Variants in TMEM178B observed in about 807,000 individuals in gnomAD.
TMEM178B encodes the protein transmembrane protein 178B.
In TMEM178B, 5 loss-of-function variants were observed where a neutral mutation model predicts 31.0. The ratio of observed to expected loss-of-function variants is 0.16; its 90% CI spans 0.08 to 0.34. TMEM178B has a LOEUF of 0.34. Ranked by LOEUF, TMEM178B falls within the 10% of genes least tolerant of loss-of-function variation. The probability of loss-of-function intolerance (pLI) is 1.00; values close to 1 mark genes in which losing one functional copy is unlikely to be tolerated. For synonymous variants in TMEM178B, 164 were observed against 164.0 expected (o/e 1.00, Z 0.00); for missense variants, 275 against 400.3 (o/e 0.69, Z 2.67).
Position 141,374,596 on chromosome 7 carries a change from C to T in TMEM178B, c.497-63012C>T, listed in dbSNP as rs147311431. Among the ~76,000 whole-genome samples the T allele has an allele frequency of 1.1e-3, 161 of 152,306 alleles. 1 individual carries two copies. The highest frequency in any genetic ancestry group is 3.7e-3 in the African/African-American group (153 of 41,558). ...GCTTAAAAACCCCACGCGCATACAG[C>T]GTCAGAGTCTCTTCCATCTGCGAAA... On this transcript the variant is annotated intron_variant, in intron 2 of 3. Transcript: ENST00000565468.
rs137975523 is a variant in TMEM178B at position 141,329,301 on chromosome 7, C to G, written c.497-108307C>G. Among the ~76,000 whole-genome samples the G allele has an allele frequency of 4.7e-3, 708 of 152,036 alleles. 17 individuals carry two copies. Among genetic ancestry groups the G allele is most frequent in the Admixed American group, 0.037 (566 of 15,266 alleles). ...GGTGTGGATTTGTAAAAGTGTCTGT[C>G]TGGGCAGCGTCCTGGGCACCCTCCT... is the stretch of plus-strand genomic sequence containing the variant. On this transcript the variant is annotated intron_variant, in intron 2 of 3. Transcript: ENST00000565468.
chr7:141,416,885 T>C (rs1586946189), intron 2 of TMEM178B, among the ~76,000 whole-genome samples: 1 of 152,208 alleles, frequency 6.6e-6, no homozygotes, highest in African/African-American at 2.4e-5. Flanking sequence ...ACCGGCAAAA[T>C]TCAACAGTGA....
chr7:141,390,172 A>T (rs879869533), intron 2 of TMEM178B, among the ~76,000 whole-genome samples: 2 of 152,240 alleles, frequency 1.3e-5, no homozygotes, highest in Admixed American at 1.3e-4. Context: ...GAATGAGAGA[A>T]GCCAAGCCAA....
At chr7:141,373,649 A>AC (rs1193091529) in intron 2 of TMEM178B, among the ~76,000 whole-genome samples, 13 of 151,692 alleles carry the variant, frequency 8.6e-5, no homozygotes, top group Admixed American at 2.6e-4. Flanking sequence ...GCCACCCTCC[A>AC]CCCCCCCAAC....
At chr7:141,340,843 A>G (rs781782352) in intron 2 of TMEM178B, among the ~76,000 whole-genome samples, 1 of 152,248 alleles carries the variant, frequency 6.6e-6, no homozygotes, top group Non-Finnish European at 1.5e-5. Context: ...GGGTGTATAC[A>G]GAATACTGTA....
chr7:141,165,805 A>G (rs934474757), intron 1 of TMEM178B, among the ~76,000 whole-genome samples: 2 of 152,210 alleles, frequency 1.3e-5, no homozygotes, highest in Non-Finnish European at 2.9e-5. Flanking sequence ...TGGGAAAATT[A>G]CTTAACTTCT....
At chr7:141,291,718 G>T (rs217021) in intron 2 of TMEM178B, among the ~76,000 whole-genome samples, 16,446 of 151,986 alleles carry the variant, frequency 0.11, 1,406 homozygotes, top group African/African-American at 0.23. Context: ...TGTGGGAAAT[G>T]TAGAGACAAC....
chr7:141,212,464 T>C (rs1036167783), intron 1 of TMEM178B, 127 bp from the exon 2 acceptor site: 1 of 700,784 alleles, frequency 1.4e-6, no homozygotes, highest in Non-Finnish European at 2.5e-6. Flanking sequence ...GTATTGTCTT[T>C]CTGTAGTTGT....
At chr7:141,213,617 C>T (rs1797082366) in intron 2 of TMEM178B, among the ~76,000 whole-genome samples, 1 of 152,140 alleles carries the variant, frequency 6.6e-6, no homozygotes, top group Non-Finnish European at 1.5e-5. Context: ...TATTGGTAAA[C>T]TTTGAAGATG....
At chr7:141,085,996 T>C (rs1270585732) in intron 1 of TMEM178B, among the ~76,000 whole-genome samples, 1 of 152,126 alleles carries the variant, frequency 6.6e-6, no homozygotes, top group Non-Finnish European at 1.5e-5. Context: ...ATTCATACAA[T>C]AGAAATGATC....
intron 2 of TMEM178B, among the ~76,000 whole-genome samples, chr7:141,396,358 C>T (rs1375667470): frequency 1.3e-5 from 2 of 152,236 alleles, no homozygotes; most frequent in Admixed American, 6.5e-5. Flanking sequence ...TCGCCCATGC[C>T]TACTCCCACC....
chr7:141,428,368 C>CAAAAAAAAAAAAAAAAAAAAA (rs1491261666), intron 2 of TMEM178B, among the ~76,000 whole-genome samples: 1 of 25,618 alleles, frequency 3.9e-5, no homozygotes, highest in Non-Finnish European at 7.7e-5. Context: ...GACTCCACCT[C>CAAAAAAAAAAAAAAAAAAAAA]AAAAAAAAAA....
intron 2 of TMEM178B, among the ~76,000 whole-genome samples, chr7:141,317,393 C>T (rs1358303087): frequency 6.6e-6 from 1 of 152,182 alleles, no homozygotes; most frequent in Non-Finnish European, 1.5e-5. Flanking sequence ...GTTTTGCCCA[C>T]CTGGCTGCAG....
chr7:141,426,275 C>A (rs192166548), intron 2 of TMEM178B, among the ~76,000 whole-genome samples: 26 of 152,294 alleles, frequency 1.7e-4, no homozygotes, highest in African/African-American at 5.8e-4. Context: ...TTAGTGAGCA[C>A]CTGCTTATGT....
chr7:141,155,615 G>A (rs757568078), intron 1 of TMEM178B, among the ~76,000 whole-genome samples: 5 of 152,214 alleles, frequency 3.3e-5, no homozygotes, highest in Admixed American at 6.5e-5. Flanking sequence ...TGTGTGCTCA[G>A]CCATCCTGGG....
chr7:141,272,134 A>G (rs1024737951), intron 2 of TMEM178B, among the ~76,000 whole-genome samples: 3 of 152,188 alleles, frequency 2.0e-5, no homozygotes. Context: ...CTTATGCTAT[A>G]GTTCATTTTC....
At chr7:141,457,441 A>C (rs969288589) in intron 3 of TMEM178B, among the ~76,000 whole-genome samples, 2 of 116,312 alleles carry the variant, frequency 1.7e-5, no homozygotes, top group African/African-American at 6.5e-5. Flanking sequence ...ATCTCACAGC[A>C]ACCCCAAGAG....
In TMEM178B at chr7:141,099,101, G is replaced by A. The variant is rs186313315; in HGVS notation, c.382+24409G>A. Among the ~76,000 whole-genome samples the A allele has an allele frequency of 3.3e-5, 5 of 152,340 alleles. No individual in the cohort carries two copies. In the East Asian group the frequency reaches 9.6e-4, roughly 29 times the overall value. On this transcript the variant is annotated intron_variant, in intron 1 of 3. Transcript: ENST00000565468. ...AATGGAATCTAGGGACAGCTGTGAA[G>A]TTTGTCTTTGGAGATCCCAGCCTCC...
intron 1 of TMEM178B, among the ~76,000 whole-genome samples, chr7:141,150,510 C>T (rs1795954387): frequency 1.3e-5 from 2 of 152,228 alleles, no homozygotes; most frequent in South Asian, 4.1e-4. Context: ...TGGGACTTCC[C>T]TTGACCCATG....
Sources: allele counts gnomAD v4.1 joint callset (sites outside exome capture counted in the v4.1 genomes callset), GRCh38; gene constraint gnomAD v4.1.1; transcripts MANE v1.5; gene names NCBI Gene and HGNC (gene_info 2026-07-23, HGNC 2026-07-21).